Variants in CACNA1B observed in about 807,000 individuals in gnomAD.
The protein encoded by CACNA1B is calcium voltage-gated channel subunit alpha1 B.
In CACNA1B, 70 loss-of-function variants were observed where a neutral mutation model predicts 247.2. That is an observed-to-expected ratio of 0.28 (90% CI 0.23 to 0.35). The LOEUF is 0.35. Among genes scored for constraint, CACNA1B ranks in the 10% least tolerant of loss-of-function variants. The probability of loss-of-function intolerance (pLI) is 1.00; values close to 1 mark genes in which losing one functional copy is unlikely to be tolerated. For missense variants in CACNA1B, 2,367 were observed against 3,197.4 expected, an observed-to-expected ratio of 0.74 and a Z score of 6.26; for synonymous variants, 1,231 against 1,294.4, an observed-to-expected ratio of 0.95 and a Z score of 1.05.
intron 21 of CACNA1B, among the ~76,000 whole-genome samples, chr9:138,044,949 A>C (rs1959170212): frequency 6.6e-6 from 1 of 152,248 alleles, no homozygotes; most frequent in South Asian, 2.1e-4. Flanking sequence ...CAGGACTGAC[A>C]GTGCAGTGGC....
intron 39 of CACNA1B, among the ~76,000 whole-genome samples, chr9:138,106,403 A>G (rs1002174384): frequency 1.3e-5 from 2 of 152,150 alleles, no homozygotes; most frequent in African/African-American, 2.4e-5. Flanking sequence ...CGTAGTGGCA[A>G]TGCCATACTG....
In CACNA1B at chr9:138,023,796, G is replaced by C; in HGVS notation, c.3053G>C (p.Arg1018Pro). The C allele has an allele frequency of 7.0e-7, 1 of 1,429,100 alleles. No individual in the cohort carries two copies. The highest frequency in any genetic ancestry group is 9.6e-7 in the Non-Finnish European group (1 of 1,037,214). 88.5% of individuals were successfully genotyped at this position (1,429,100 alleles called of 1,614,324 possible). The change falls in exon 19 of 47, where the codon CGG (arginine) becomes CCG (proline). Residue 1018 changes from arginine to proline, a missense_variant. By Grantham distance (103) the Arg-to-Pro change is moderately radical (BLOSUM62 -2). This residue lies in a region of CACNA1B where 631 missense variants were observed against 631.1 expected (regional missense o/e 1.00). Coordinates refer to ENST00000371372, the MANE Select transcript of CACNA1B (RefSeq NM_000718.4). ...GAAGCCGACAAGGAAAAGGAGCTCC[G>C]GAACCACCAGCCCCGGTGAGTCCGC... is the stretch of plus-strand genomic sequence containing the variant. ...IVEADKEKEL[R>P]NHQPREPHCD...
chr9:138,071,143 C>T (rs537120374), intron 32 of CACNA1B, among the ~76,000 whole-genome samples: 3 of 152,266 alleles, frequency 2.0e-5, no homozygotes, highest in Non-Finnish European at 2.9e-5. Flanking sequence ...TCCTCACCTC[C>T]TGGACTGGGT....
At chr9:138,034,404 G>A (rs1959019042) in intron 20 of CACNA1B, among the ~76,000 whole-genome samples, 1 of 151,698 alleles carries the variant, frequency 6.6e-6, no homozygotes, top group Non-Finnish European at 1.5e-5. Flanking sequence ...GGAAGTCTAG[G>A]CTCCCCACCC....
chr9:138,122,289 G>A lies in CACNA1B; in HGVS notation c.*290G>A. The A allele has an allele frequency of 4.2e-6, 2 of 476,972 alleles. No individual in the cohort carries two copies. Among genetic ancestry groups the A allele is most frequent in the Non-Finnish European group, 7.5e-6 (2 of 265,412 alleles). The allele number at this position is 476,972 out of a possible 1,614,324, so 29.5% of individuals were successfully genotyped here. ...GTGTGTGGCTGAGAAGGACCCAGGA[G>A]TCCAAATCCCGTGTCCTGGGACTCA... is the stretch of plus-strand genomic sequence containing the variant. On this transcript the variant is annotated 3_prime_UTR_variant, in exon 47 of 47. Transcript: ENST00000371372.
intron 20 of CACNA1B, among the ~76,000 whole-genome samples, chr9:138,042,649 A>G (rs150174973): frequency 2.0e-5 from 3 of 152,320 alleles, no homozygotes; most frequent in Non-Finnish European, 4.4e-5. Context: ...TGCCCATTTC[A>G]AAAGTGGTCG....
intron 18 of CACNA1B, among the ~76,000 whole-genome samples, chr9:138,022,734 G>A (rs188131510): frequency 1.2e-4 from 18 of 151,052 alleles, no homozygotes; most frequent in African/African-American, 4.1e-4. Flanking sequence ...TGTACCCCTC[G>A]GCCTCCTTGA....
chr9:138,047,096 G>A, intron 22 of CACNA1B, 63 bp downstream of exon 22: 5 of 1,475,958 alleles, frequency 3.4e-6, no homozygotes, highest in Non-Finnish European at 4.6e-6. Flanking sequence ...TGCCTTCCCA[G>A]GGGCCCAAGG....
chr9:137,906,980 C>T (rs1957306821), intron 3 of CACNA1B, among the ~76,000 whole-genome samples: 1 of 152,126 alleles, frequency 6.6e-6, no homozygotes, highest in Middle Eastern at 3.2e-3. Context: ...GAATACAGTC[C>T]CCCAGTCAGA....
In CACNA1B at chr9:137,990,351, G is replaced by A. The variant is rs1589052112; in HGVS notation, c.1974+3497G>A. Among the ~76,000 whole-genome samples, 2 of 151,998 alleles carry A rather than the reference G, an allele frequency of 1.3e-5. No individual in the cohort carries two copies. The highest frequency in any genetic ancestry group is 2.9e-5 in the Non-Finnish European group (2 of 67,956). ...AGACACCCTATTCCTGCCCCCACCTGGTGGTCTTTCTCTACCCACCCTGAT... is the reference window on the plus strand; with the variant it reads ...AGACACCCTATTCCTGCCCCCACCTAGTGGTCTTTCTCTACCCACCCTGAT... On this transcript the variant is annotated intron_variant, in intron 15 of 46. Coordinates refer to ENST00000371372, the MANE Select transcript of CACNA1B (RefSeq NM_000718.4). The surrounding 1 kb of genome is among the most constrained non-coding windows in gnomAD (Gnocchi z 4.5).
At chr9:138,047,679 G>T (rs1341792242) in intron 23 of CACNA1B, among the ~76,000 whole-genome samples, 1 of 152,242 alleles carries the variant, frequency 6.6e-6, no homozygotes, top group Admixed American at 6.5e-5. Flanking sequence ...GTGCTCCCCA[G>T]TGTCGTGCCT....
intron 3 of CACNA1B, among the ~76,000 whole-genome samples, chr9:137,903,589 T>G (rs922405519): frequency 2.0e-5 from 3 of 152,202 alleles, no homozygotes; most frequent in African/African-American, 7.2e-5. Flanking sequence ...GTTTTCCAGA[T>G]AGATTTTGAG....
At chr9:137,898,640 G>C (rs1239119573) in intron 3 of CACNA1B, among the ~76,000 whole-genome samples, 1 of 151,628 alleles carries the variant, frequency 6.6e-6, no homozygotes, top group East Asian at 1.9e-4. Context: ...CGAGTAGCTG[G>C]GACTACAGGC....
At position 138,062,363 on chromosome 9, in the gene CACNA1B, C is replaced by G. The variant is rs1009136528; in HGVS notation, c.4668+2626C>G. On this transcript the variant is annotated intron_variant, in intron 31 of 46. Coordinates refer to ENST00000371372, the MANE Select transcript of CACNA1B (RefSeq NM_000718.4). The stretch of plus-strand genomic sequence containing the variant: ...TTTCCCCCTAAGTTGTAGTGAATCC[C>G]CATGAAGTGATGGCGGGAGTGAGGT... 2.0e-5 allele frequency among the ~76,000 whole-genome samples: 3 copies of G among 152,172 alleles called. No homozygotes were observed. In the South Asian group the frequency reaches 6.2e-4, roughly 31 times the overall value.
intron 6 of CACNA1B, among the ~76,000 whole-genome samples, chr9:137,924,364 C>T (rs1048533488): frequency 4.0e-5 from 6 of 150,482 alleles, no homozygotes; most frequent in African/African-American, 1.2e-4. Flanking sequence ...TCCTTCCCTC[C>T]CTCTTTCCCC....
chr9:138,069,643 C>T (rs1960049013), intron 31 of CACNA1B, 115 bp from the exon 32 acceptor site: 1 of 770,190 alleles, frequency 1.3e-6, no homozygotes, highest in African/African-American at 1.7e-5. Context: ...CGCCATCCAA[C>T]CAACATACAA....
chr9:137,949,111 C>CA (rs1564203169), intron 6 of CACNA1B, among the ~76,000 whole-genome samples: 15 of 1,504 alleles, frequency 1.0e-2, no homozygotes, highest in African/African-American at 0.012. Flanking sequence ...TTTGTGGTGG[C>CA]TGTGTGTCCA....
intron 36 of CACNA1B, among the ~76,000 whole-genome samples, chr9:138,078,607 G>C (rs1184697738): frequency 6.6e-6 from 1 of 152,166 alleles, no homozygotes; most frequent in Non-Finnish European, 1.5e-5. Flanking sequence ...GGACTGGGTG[G>C]GGAGGTCGGC....
In CACNA1B at chr9:138,065,918, C is replaced by T. The variant is rs118191786; in HGVS notation, c.4669-3840C>T. ...AATGCTACAGCACACCAGGAGTTACCGTCACCTCACTTACCACCCACCAAC... is the reference window on the plus strand; with the variant it reads ...AATGCTACAGCACACCAGGAGTTACTGTCACCTCACTTACCACCCACCAAC... On this transcript the variant is annotated intron_variant, in intron 31 of 46. Coordinates refer to ENST00000371372, the MANE Select transcript of CACNA1B (RefSeq NM_000718.4). Among the ~76,000 whole-genome samples the T allele has an allele frequency of 5.1e-4, 77 of 152,204 alleles. No individual in the cohort carries two copies. In the East Asian group the frequency reaches 0.015, roughly 29 times the overall value.
Sources: allele counts gnomAD v4.1 joint callset (sites outside exome capture counted in the v4.1 genomes callset), GRCh38; gene constraint gnomAD v4.1.1; regional missense constraint gnomAD v4.1.1; non-coding constraint Gnocchi (gnomAD v3.1); transcripts MANE v1.5; gene names NCBI Gene and HGNC (gene_info 2026-07-23, HGNC 2026-07-21).